The following ACOXL variants were observed in gnomAD, a reference collection of about 807,000 sequenced individuals.
ACOXL encodes the protein acyl-CoA oxidase like.
Under a neutral mutation model 71.9 loss-of-function variants are expected in ACOXL, and 70 were observed. The observed-to-expected ratio is 0.97, with a 90% CI of 0.80 to 1.19. The LOEUF (loss-of-function observed/expected upper bound fraction) is 1.19. ACOXL is among the 50% of genes most tolerant of loss of function. The probability of loss-of-function intolerance (pLI) is 0.00; values close to 1 mark genes in which losing one functional copy is unlikely to be tolerated. For synonymous variants in ACOXL, 253 were observed against 281.6 expected, an observed-to-expected ratio of 0.90 and a Z score of 1.02; for missense variants, 703 against 736.3, an observed-to-expected ratio of 0.95 and a Z score of 0.52.
At chr2:110,796,471 A>T (rs1375512166) in intron 5 of ACOXL, among the ~76,000 whole-genome samples, 1 of 152,182 alleles carries the variant, frequency 6.6e-6, no homozygotes, top group Non-Finnish European at 1.5e-5. Flanking sequence ...GGCTGATGCA[A>T]ACTTTCCAAA....
At position 111,017,651 on chromosome 2, in the gene ACOXL, G is replaced by A. The variant is rs181463180; in HGVS notation, c.1282-13976G>A. On this transcript the variant is annotated intron_variant, in intron 14 of 17. Coordinates refer to ENST00000439055, the MANE Select transcript of ACOXL (RefSeq NM_001142807.4). ...AACGCCTTCACCTTCTCTGGGGGCA[G>A]TGCTAACTCCAGCCTGCCTGCTTGC... Among the ~76,000 whole-genome samples the A allele has an allele frequency of 6.6e-5, 10 of 152,330 alleles. No homozygotes were observed. In the South Asian group the frequency reaches 1.2e-3, roughly 19 times the overall value.
intron 12 of ACOXL, among the ~76,000 whole-genome samples, chr2:110,952,446 C>A (rs2061363637): frequency 1.3e-5 from 2 of 151,996 alleles, no homozygotes; most frequent in South Asian, 4.1e-4. Context: ...TTTTCTATTT[C>A]ATTGATTTTT....
At chr2:110,763,567 G>A (rs1573394525) in intron 1 of ACOXL, among the ~76,000 whole-genome samples, 1 of 152,112 alleles carries the variant, frequency 6.6e-6, no homozygotes, top group Non-Finnish European at 1.5e-5. Context: ...AGGCCTAAAT[G>A]TAAAATGTAA....
At chr2:110,964,814 G>A (rs2061856289) in intron 12 of ACOXL, among the ~76,000 whole-genome samples, 1 of 152,174 alleles carries the variant, frequency 6.6e-6, no homozygotes, top group Non-Finnish European at 1.5e-5. Context: ...TCATTTCTAT[G>A]TGTTGGGAAC....
chr2:110,963,653 C>T (rs2061802334), intron 12 of ACOXL: 1 of 1,613,420 alleles, frequency 6.2e-7, no homozygotes, highest in African/African-American at 1.3e-5. Flanking sequence ...GAATCTCAGG[C>T]TTAAAGTGTG....
chr2:110,950,536 G>A (rs2061288331), intron 12 of ACOXL, among the ~76,000 whole-genome samples: 1 of 152,034 alleles, frequency 6.6e-6, no homozygotes, highest in African/African-American at 2.4e-5. Flanking sequence ...ATAGATCCTG[G>A]GCCAATTTGC....
At chr2:110,903,064 C>T (rs1179847024) in intron 10 of ACOXL, among the ~76,000 whole-genome samples, 2 of 152,222 alleles carry the variant, frequency 1.3e-5, no homozygotes, top group African/African-American at 4.8e-5. Flanking sequence ...AACAAGTTTG[C>T]ACCCTAAGAA....
At chr2:111,094,334 A>C (rs925438256) in intron 17 of ACOXL, 3 of 152,256 alleles carry the variant, frequency 2.0e-5, no homozygotes, top group Admixed American at 2.0e-4. Flanking sequence ...GACTTAAAAC[A>C]ACCACCACTT....
chr2:110,794,277 C>A, intron 5 of ACOXL, 103 bp downstream of exon 5: 1 of 1,120,596 alleles, frequency 8.9e-7, no homozygotes, highest in Non-Finnish European at 1.3e-6. Context: ...TGTGTGTGCT[C>A]TCTGGCCCAG....
intron 11 of ACOXL, among the ~76,000 whole-genome samples, chr2:110,932,511 T>C (rs2060512989): frequency 6.6e-6 from 1 of 152,218 alleles, no homozygotes; most frequent in African/African-American, 2.4e-5. Flanking sequence ...ATAATATGTA[T>C]ACATATCTTT....
intron 14 of ACOXL, among the ~76,000 whole-genome samples, chr2:111,022,440 C>T (rs7600881): frequency 0.37 from 56,296 of 151,386 alleles, 10,610 homozygotes; most frequent in South Asian, 0.47. Flanking sequence ...CACACACACA[C>T]ACACACACAA....
intron 12 of ACOXL, among the ~76,000 whole-genome samples, chr2:110,943,724 C>T (rs1025650243): frequency 6.6e-6 from 1 of 152,200 alleles, no homozygotes; most frequent in African/African-American, 2.4e-5. Flanking sequence ...ACCTGACCTT[C>T]CTACGGATTC....
chr2:110,989,372 A>G (rs1356523420), intron 13 of ACOXL, among the ~76,000 whole-genome samples: 1 of 152,166 alleles, frequency 6.6e-6, no homozygotes, highest in Admixed American at 6.5e-5. Context: ...ATACACTGTT[A>G]TAATTACTCT....
intron 11 of ACOXL, among the ~76,000 whole-genome samples, chr2:110,918,272 G>C (rs2059937378): frequency 6.6e-6 from 1 of 152,120 alleles, no homozygotes; most frequent in Non-Finnish European, 1.5e-5. Context: ...ACAGTCATCT[G>C]ATCTTTGACA....
chr2:111,006,170 T>C (rs2063862584), intron 14 of ACOXL, among the ~76,000 whole-genome samples: 1 of 152,250 alleles, frequency 6.6e-6, no homozygotes, highest in Non-Finnish European at 1.5e-5. Context: ...GATGACCTGA[T>C]GGAGGGGCTC....
Position 110,768,429 on chromosome 2 carries a change from G to GACC in ACOXL, c.41_43dup (p.Asp14_Leu15insHis). 6.2e-7 allele frequency: 1 copy of GACC among 1,613,802 alleles called. No homozygotes were observed. Among genetic ancestry groups the GACC allele is most frequent in the Admixed American group, 1.7e-5 (1 of 59,982 alleles). ...AGTTCAGAGAGTGAAGTTTGCCATG[G>GACC]ACCTGCCTCTGTTAAAACGTGCAGG... On this transcript the variant is annotated inframe_insertion, in exon 2 of 18. Coordinates refer to ENST00000439055, the MANE Select transcript of ACOXL (RefSeq NM_001142807.4).
intron 17 of ACOXL, among the ~76,000 whole-genome samples, chr2:111,111,936 C>T (rs2069996101): frequency 6.6e-6 from 1 of 152,152 alleles, no homozygotes; most frequent in Non-Finnish European, 1.5e-5. Flanking sequence ...TGTCAAAATA[C>T]TTAGTAAACA....
At chr2:110,829,953 A>G (rs1689619913) in intron 9 of ACOXL, among the ~76,000 whole-genome samples, 1 of 152,128 alleles carries the variant, frequency 6.6e-6, no homozygotes, top group African/African-American at 2.4e-5. Flanking sequence ...TGTCCTTTTC[A>G]TTCAGTGTGA....
At chr2:110,892,065 G>A (rs1697988169) in intron 10 of ACOXL, among the ~76,000 whole-genome samples, 1 of 152,076 alleles carries the variant, frequency 6.6e-6, no homozygotes, top group Non-Finnish European at 1.5e-5. Flanking sequence ...CAGATAAATT[G>A]CTTTTGTCAC....
Sources: allele counts gnomAD v4.1 joint callset (sites outside exome capture counted in the v4.1 genomes callset), GRCh38; gene constraint gnomAD v4.1.1; transcripts MANE v1.5; gene names NCBI Gene and HGNC (gene_info 2026-07-23, HGNC 2026-07-21).